The following ACTR3C variants were observed in gnomAD, a reference collection of about 807,000 sequenced individuals.
The protein encoded by ACTR3C is actin-related protein 3C.
In ACTR3C, 18 loss-of-function variants were observed where a neutral mutation model predicts 26.3. The ratio of observed to expected loss-of-function variants is 0.68; its 90% CI spans 0.47 to 1.01. The LOEUF (loss-of-function observed/expected upper bound fraction) is 1.01, where lower values mean the gene tolerates loss of function less well. Ranked by LOEUF, ACTR3C falls within the 50% of genes least tolerant of loss-of-function variation. The pLI, the probability that ACTR3C is intolerant of heterozygous loss-of-function variation, is 0.00. For synonymous variants in ACTR3C, 55 were observed against 94.5 expected, an observed-to-expected ratio of 0.58 and a Z score of 2.42; for missense variants, 184 against 250.7, an observed-to-expected ratio of 0.73 and a Z score of 1.80.
intron 6 of ACTR3C, among the ~76,000 whole-genome samples, chr7:150,271,090 C>T (rs535013251): frequency 6.4e-5 from 9 of 141,704 alleles, no homozygotes; most frequent in African/African-American, 2.7e-4. Flanking sequence ...GGCCAATCAA[C>T]GTCAAATGAC....
the ACTR3C span, among the ~76,000 whole-genome samples, chr7:150,230,247 A>G: frequency 6.6e-6 from 1 of 152,166 alleles, no homozygotes; most frequent in Non-Finnish European, 1.5e-5. Flanking sequence ...GAAAAAAAGA[A>G]ACAAAAACAA....
chr7:150,181,076 A>C, the ACTR3C span, among the ~76,000 whole-genome samples: 1 of 151,144 alleles, frequency 6.6e-6, no homozygotes, highest in Non-Finnish European at 1.5e-5. Context: ...AAAATGATGT[A>C]AATGACTAGC....
chr7:150,175,815 C>CAAAAAA, the ACTR3C span, among the ~76,000 whole-genome samples: 6 of 46,162 alleles, frequency 1.3e-4, no homozygotes, highest in Non-Finnish European at 1.7e-4. Context: ...TCCATCTGAA[C>CAAAAAA]AAAAAAAAAA....
the ACTR3C span, among the ~76,000 whole-genome samples, chr7:149,940,299 A>T: frequency 2.0e-5 from 3 of 151,950 alleles, no homozygotes; most frequent in African/African-American, 7.2e-5. Context: ...TTTGTCTGTG[A>T]ATTTTGTATG....
the ACTR3C span, among the ~76,000 whole-genome samples, chr7:150,015,629 C>T: frequency 6.6e-6 from 1 of 152,126 alleles, no homozygotes; most frequent in Non-Finnish European, 1.5e-5. Context: ...ATATGTTTCT[C>T]CCCAGGTAGT....
the ACTR3C span, among the ~76,000 whole-genome samples, chr7:150,208,404 G>C: frequency 1.3e-5 from 2 of 152,150 alleles, no homozygotes; most frequent in Admixed American, 6.5e-5. Flanking sequence ...TAACCTGGAA[G>C]GACTGGAGGC....
the ACTR3C span, among the ~76,000 whole-genome samples, chr7:150,173,180 C>T: frequency 6.7e-6 from 1 of 150,370 alleles, no homozygotes; most frequent in East Asian, 1.9e-4. Flanking sequence ...CTGCACTGCC[C>T]TAGCAGAGGT....
chr7:150,144,007 C>T, the ACTR3C span, among the ~76,000 whole-genome samples: 6 of 152,142 alleles, frequency 3.9e-5, no homozygotes, highest in Non-Finnish European at 8.8e-5. The surrounding 1 kb of genome is among the most constrained non-coding windows in gnomAD (Gnocchi z 4.6). Flanking sequence ...AAAGCCAAGA[C>T]TGGAGAGCTT....
intron 1 of ACTR3C, among the ~76,000 whole-genome samples, chr7:150,299,006 A>C (rs2531031): frequency 8.4e-6 from 1 of 119,646 alleles, no homozygotes; most frequent in African/African-American, 3.4e-5. Flanking sequence ...TTTGAGACAG[A>C]GTCTCACTCT....
intron 6 of ACTR3C, among the ~76,000 whole-genome samples, chr7:150,250,841 G>A (rs1224749057): frequency 6.6e-6 from 1 of 152,060 alleles, no homozygotes; most frequent in African/African-American, 2.4e-5. Context: ...CAAGCAGCTG[G>A]ATATGTAAAC....
chr7:150,243,388 C>T (rs1377147950), downstream of ACTR3C, among the ~76,000 whole-genome samples: 2 of 151,856 alleles, frequency 1.3e-5, no homozygotes, highest in Non-Finnish European at 2.9e-5. Flanking sequence ...AGTACACAGC[C>T]ACAAAAACTA....
the ACTR3C span, among the ~76,000 whole-genome samples, chr7:150,154,073 T>C: frequency 1.0e-5 from 1 of 100,134 alleles, no homozygotes; most frequent in Non-Finnish European, 1.9e-5. Flanking sequence ...GGGACTGTTG[T>C]GGGGTGGGGG....
At chr7:150,041,964 G>A in the ACTR3C span, among the ~76,000 whole-genome samples, 11 of 147,748 alleles carry the variant, frequency 7.4e-5, no homozygotes, top group African/African-American at 2.2e-4. Context: ...ACCTGCTGTC[G>A]GAAGATTTGA....
At chr7:150,192,098 C>T in the ACTR3C span, among the ~76,000 whole-genome samples, 1 of 150,834 alleles carries the variant, frequency 6.6e-6, no homozygotes, top group African/African-American at 2.4e-5. Flanking sequence ...ATGTGTTACT[C>T]TTTTTATATA....
At chr7:150,038,922 G>A in the ACTR3C span, among the ~76,000 whole-genome samples, 5 of 108,342 alleles carry the variant, frequency 4.6e-5, no homozygotes, top group African/African-American at 9.5e-5. Flanking sequence ...AACAGCCAGG[G>A]GTGGAAGAGG....
the ACTR3C span, among the ~76,000 whole-genome samples, chr7:150,046,927 C>A: frequency 6.6e-6 from 1 of 151,910 alleles, no homozygotes; most frequent in Non-Finnish European, 1.5e-5. Context: ...AGGTGCTAGT[C>A]CAGGGCTGGG....
chr7:150,107,988 C>A, the ACTR3C span, among the ~76,000 whole-genome samples: 1 of 151,898 alleles, frequency 6.6e-6, no homozygotes, highest in South Asian at 2.1e-4. Context: ...ATAATTAGAG[C>A]ATAAAGGACT....
the ACTR3C span, among the ~76,000 whole-genome samples, chr7:150,024,027 T>C: frequency 6.7e-6 from 1 of 150,060 alleles, no homozygotes; most frequent in Non-Finnish European, 1.5e-5. Flanking sequence ...CTAAAGGGCA[T>C]CCTAAACAGA....
At chr7:150,073,743 T>C in the ACTR3C span, 1 of 151,314 alleles carries the variant, frequency 6.6e-6, no homozygotes, top group Non-Finnish European at 1.5e-5. Context: ...TGAAGAGGTA[T>C]CTCATTTGTT....
Sources: gnomAD v4.1 joint callset for allele counts (sites outside exome capture counted in the v4.1 genomes callset) on GRCh38, gnomAD v4.1.1 for gene constraint, Gnocchi (gnomAD v3.1) non-coding constraint, MANE v1.5 for transcripts, NCBI Gene and HGNC (gene_info 2026-07-23, HGNC 2026-07-21) for gene names.